DCUN1D3: variants seen among roughly 807,000 people sequenced by gnomAD.
DCUN1D3 encodes the protein DCN1-like protein 3.
In DCUN1D3, 6 loss-of-function variants were observed where a neutral mutation model predicts 24.8. The observed-to-expected ratio is 0.24, with a 90% CI of 0.13 to 0.48. The LOEUF is 0.48. Among genes scored for constraint, DCUN1D3 ranks in the 20% least tolerant of loss-of-function variants. The pLI is 0.99. For missense variants in DCUN1D3, 258 were observed against 379.4 expected (o/e 0.68, Z 2.66); for synonymous variants, 120 against 144.9 (o/e 0.83, Z 1.24).
chr16:20,876,609 T>C (rs995644410), intron 1 of DCUN1D3, among the ~76,000 whole-genome samples: 2 of 152,154 alleles, frequency 1.3e-5, no homozygotes, highest in Non-Finnish European at 2.9e-5. Flanking sequence ...TAGGTATATG[T>C]GCAAAGGAAA....
chr16:20,895,067 T>C (rs1460033645), intron 1 of DCUN1D3, among the ~76,000 whole-genome samples: 1 of 152,184 alleles, frequency 6.6e-6, no homozygotes, highest in East Asian at 1.9e-4. Context: ...AAATACAGCA[T>C]AGCAACTATT....
rs147094254 is a variant in DCUN1D3, at chr16:20,860,716, C to T, written c.432-347G>A. On this transcript the variant is annotated intron_variant, in intron 2 of 2. Transcript: ENST00000324344. This position sits in a 1 kb window ranked among gnomAD's most constrained non-coding sequence, Gnocchi z 4.3. ...CCGCTCTGCAATAGCGATTAAGCTGCGGATTCTTTCTCCTTCCAGAGGAGG... is the reference window on the plus strand; with the variant it reads ...CCGCTCTGCAATAGCGATTAAGCTGTGGATTCTTTCTCCTTCCAGAGGAGG... 5.0e-3 allele frequency among the ~76,000 whole-genome samples: 759 copies of T among 152,258 alleles called. 5 individuals carry two copies. Among genetic ancestry groups the T allele is most frequent in the African/African-American group, 0.017 (700 of 41,534 alleles).
At chr16:20,882,561 G>A (rs184678110) in intron 1 of DCUN1D3, among the ~76,000 whole-genome samples, 147 of 152,222 alleles carry the variant, frequency 9.7e-4, no homozygotes, top group African/African-American at 3.3e-3. Context: ...CACCATGCCC[G>A]GCCAGCACTG....
chr16:20,869,032 C>T (rs2081776048), intron 1 of DCUN1D3: 1 of 152,900 alleles, frequency 6.5e-6, no homozygotes, highest in South Asian at 2.1e-4. Flanking sequence ...CTCTTTCCTC[C>T]CCTGTGCCAG....
rs2081712130 is a variant in DCUN1D3 at position 20,858,296 on chromosome 16, G to A, written c.*1590C>T. On this transcript the variant is annotated 3_prime_UTR_variant, in exon 3 of 3. Transcript: ENST00000324344. ...AGCCTGGCCAAAGCTGGCCTTTATG[G>A]AGCCAGCGCGTGGAGAAGTCTGGGG... The A allele has an allele frequency of 6.6e-6, 1 of 152,574 alleles. No individual in the cohort carries two copies. Among genetic ancestry groups the A allele is most frequent in the Non-Finnish European group, 1.5e-5 (1 of 68,042 alleles). 9.5% of individuals were successfully genotyped at this position (152,574 alleles called of 1,614,324 possible). A position where few individuals can be genotyped will look rare whatever the true frequency, so the allele number is the denominator to read the frequency against.
At chr16:20,897,191 G>A (rs1375846494) in intron 1 of DCUN1D3, among the ~76,000 whole-genome samples, 5 of 152,242 alleles carry the variant, frequency 3.3e-5, no homozygotes, top group African/African-American at 1.2e-4. Flanking sequence ...CTGTTGTAGG[G>A]TTCAAGAGAA....
intron 1 of DCUN1D3, among the ~76,000 whole-genome samples, chr16:20,874,030 C>A (rs2081802512): frequency 6.6e-6 from 1 of 152,228 alleles, no homozygotes; most frequent in African/African-American, 2.4e-5. Flanking sequence ...CTGAACTTCA[C>A]AGGTGTGAGC....
At chr16:20,867,595 T>C (rs887729805) in intron 1 of DCUN1D3, among the ~76,000 whole-genome samples, 2 of 152,242 alleles carry the variant, frequency 1.3e-5, no homozygotes, top group South Asian at 4.1e-4. Context: ...GATATCTGCC[T>C]GATAGAGCTC....
Position 20,860,420 on chromosome 16 carries a change from C to A in DCUN1D3, c.432-51G>T. The A allele has an allele frequency of 6.4e-7, 1 of 1,553,742 alleles. No individual in the cohort carries two copies. The highest frequency in any genetic ancestry group is 2.3e-5 in the East Asian group (1 of 44,428). On this transcript the variant is annotated intron_variant, in intron 2 of 2. Transcript: ENST00000324344. The surrounding 1 kb of genome is among the most constrained non-coding windows in gnomAD (Gnocchi z 4.3). ...TAATCATTATAAACTATACTATTTACAGGCAATATACATAGTGATTAAGAG... is the reference window on the plus strand; with the variant it reads ...TAATCATTATAAACTATACTATTTAAAGGCAATATACATAGTGATTAAGAG...
Position 20,862,382 on chromosome 16 carries a change from C to T in DCUN1D3, c.157G>A (p.Val53Ile), listed in dbSNP as rs770815934. 6.8e-6 allele frequency: 11 copies of T among 1,614,010 alleles called. No individual in the cohort carries two copies. The Admixed American group carries it at 1.0e-4, about 15-fold the overall frequency. The change falls in exon 2 of 3, where the codon GTC (valine) becomes ATC (isoleucine). Residue 53 changes from valine to isoleucine, a missense_variant. By Grantham distance (29) the Val-to-Ile change is conservative. Coordinates refer to ENST00000324344, the MANE Select transcript of DCUN1D3 (RefSeq NM_173475.4). ...GCCTCGGCCTTCTTGGTCCCGTTGA[C>T]GAGGATATCTCCACCTGGCTTGCCA... ...PCGKPGGDIL[V>I]NGTKKAEAAT...
At chr16:20,867,544 T>C (rs57184324) in intron 1 of DCUN1D3, among the ~76,000 whole-genome samples, 2,197 of 152,340 alleles carry the variant, frequency 0.014, 52 homozygotes, top group African/African-American at 0.047. Context: ...GGCTAATTGT[T>C]TGACCCTAAT....
intron 1 of DCUN1D3, among the ~76,000 whole-genome samples, chr16:20,898,871 GA>G (rs34869903): frequency 0.18 from 27,216 of 152,232 alleles, 2,643 homozygotes; most frequent in African/African-American, 0.26. Context: ...ATCTGTCTGA[GA>G]GGCTAGAAGA....
chr16:20,892,659 TG>T (rs1328219998), intron 1 of DCUN1D3, among the ~76,000 whole-genome samples: 2 of 152,164 alleles, frequency 1.3e-5, no homozygotes, highest in Admixed American at 1.3e-4. Context: ...TCACAGGAAA[TG>T]GAAGTCTGGT....
At position 20,862,310 on chromosome 16, in the gene DCUN1D3, T is replaced by C. The variant is rs1031088486; in HGVS notation, c.229A>G (p.Arg77Gly). 6.2e-7 allele frequency: 1 copy of C among 1,614,176 alleles called. No homozygotes were observed. The highest frequency in any genetic ancestry group is 1.7e-5 in the Admixed American group (1 of 60,030). Residue 77 changes from arginine to glycine, a missense_variant, in exon 2 of 3, where the codon AGG (arginine) becomes GGG (glycine). By Grantham distance (125) the Arg-to-Gly change is moderately radical. Coordinates refer to ENST00000324344, the MANE Select transcript of DCUN1D3 (RefSeq NM_173475.4). ...TCCTCGGCATTGGACTTGGACTCCC[T>C]CCCAGCATCTCCCGAGGACGTTGGC... The part of the protein sequence containing the change: ...QLPTSSGDAG[R>G]ESKSNAEESS...
chr16:20,894,209 C>T (rs2081905107), intron 1 of DCUN1D3, among the ~76,000 whole-genome samples: 1 of 152,140 alleles, frequency 6.6e-6, no homozygotes, highest in Admixed American at 6.5e-5. Context: ...GTCGAGGCTG[C>T]CGTGAGCCTT....
intron 1 of DCUN1D3, among the ~76,000 whole-genome samples, chr16:20,879,639 G>T (rs1239606617): frequency 1.3e-5 from 2 of 152,182 alleles, no homozygotes; most frequent in Non-Finnish European, 2.9e-5. Flanking sequence ...TACCCTTTCA[G>T]TTAGGAGAAT....
chr16:20,894,302 C>A (rs1214662214), intron 1 of DCUN1D3, among the ~76,000 whole-genome samples: 1 of 152,054 alleles, frequency 6.6e-6, no homozygotes, highest in East Asian at 1.9e-4. Flanking sequence ...CATAATAAAT[C>A]AAAAAGGGGC....
chr16:20,892,421 C>T (rs1440815932), intron 1 of DCUN1D3, among the ~76,000 whole-genome samples: 1 of 152,094 alleles, frequency 6.6e-6, no homozygotes, highest in Non-Finnish European at 1.5e-5. Flanking sequence ...AGTCCCGGCA[C>T]CTTCACTGTA....
intron 1 of DCUN1D3, among the ~76,000 whole-genome samples, chr16:20,867,372 C>T (rs548048262): frequency 6.6e-6 from 1 of 152,182 alleles, no homozygotes; most frequent in Admixed American, 6.5e-5. Flanking sequence ...CAAGAAGGAT[C>T]TCCTACTCGC....
Sources: gnomAD v4.1 joint callset for allele counts (sites outside exome capture counted in the v4.1 genomes callset) on GRCh38, gnomAD v4.1.1 for gene constraint, Gnocchi (gnomAD v3.1) non-coding constraint, MANE v1.5 for transcripts, NCBI Gene and HGNC (gene_info 2026-07-23, HGNC 2026-07-21) for gene names.